ASCC1: variants seen among roughly 807,000 people sequenced by gnomAD.
ASCC1 encodes ASC-1 complex subunit P50.
ASCC1 carries 35 observed loss-of-function variants against 46.6 expected under a neutral mutation model. The observed-to-expected ratio is 0.75, with a 90% CI of 0.57 to 0.99. The LOEUF is 0.99. ASCC1 is among the 50% of genes least tolerant of loss of function. The pLI, the probability that ASCC1 is intolerant of heterozygous loss-of-function variation, is 0.00. For missense variants in ASCC1, 376 were observed against 428.7 expected (o/e 0.88, Z 1.09); for synonymous variants, 143 against 146.6 (o/e 0.98, Z 0.18).
intron 5 of ASCC1, among the ~76,000 whole-genome samples, chr10:72,166,808 A>T (rs1222669207): frequency 6.6e-6 from 1 of 152,220 alleles, no homozygotes; most frequent in African/African-American, 2.4e-5. Context: ...AAGAGGATAT[A>T]CTAATGGCTA....
chr10:72,096,360 T>C lies in ASCC1; in HGVS notation c.*974A>G. ...TGCACAGTCCTGCTGATATCATCAG[T>C]TTCTTTTGCTGCTGCCTTGAAAAGT... On this transcript the variant is annotated 3_prime_UTR_variant, in exon 10 of 10. Coordinates refer to ENST00000672957, the MANE Select transcript of ASCC1 (RefSeq NM_001198800.3). 2.2e-6 allele frequency: 1 copy of C among 454,028 alleles called. No homozygotes were observed. Among genetic ancestry groups the C allele is most frequent in the Non-Finnish European group, 4.4e-6 (1 of 226,786 alleles). The allele number at this position is 454,028 out of a possible 1,614,324, so 28.1% of individuals were successfully genotyped here. A position where few individuals can be genotyped will look rare whatever the true frequency, so the allele number is the denominator to read the frequency against.
chr10:72,136,570 C>T (rs1482977467), intron 7 of ASCC1, among the ~76,000 whole-genome samples: 1 of 152,180 alleles, frequency 6.6e-6, no homozygotes, highest in African/African-American at 2.4e-5. Context: ...GGCCAATCAG[C>T]AGGGGGATGT....
Position 72,203,986 on chromosome 10 carries a change from C to T in ASCC1, c.213-462G>A, listed in dbSNP as rs575683831. Among the ~76,000 whole-genome samples the T allele has an allele frequency of 1.3e-4, 20 of 152,250 alleles. No individual in the cohort carries two copies. The South Asian group carries it at 2.5e-3, about 19-fold the overall frequency. ...ATTTTAGGCTGGCGGCAGTGGCTCA[C>T]GCCTGTAATCCCAGCACTCCAGGAG... is the stretch of plus-strand genomic sequence containing the variant. On this transcript the variant is annotated intron_variant, in intron 3 of 9. Transcript: ENST00000672957.
At chr10:72,178,836 GATCCCAAAAGCACT>G (rs1852194340) in intron 5 of ASCC1, among the ~76,000 whole-genome samples, 1 of 152,098 alleles carries the variant, frequency 6.6e-6, no homozygotes, top group Non-Finnish European at 1.5e-5. Flanking sequence ...TCATATCAGA[GATCCCAAAAGCACT>G]TGACGTATTT....
At chr10:72,149,239 C>T (rs1223256635) in intron 7 of ASCC1, among the ~76,000 whole-genome samples, 1 of 151,690 alleles carries the variant, frequency 6.6e-6, no homozygotes, top group Admixed American at 6.6e-5. Flanking sequence ...GAGATCAAGA[C>T]CATCCTGGCT....
chr10:72,127,268 T>C (rs895135664), intron 9 of ASCC1, among the ~76,000 whole-genome samples: 1 of 152,204 alleles, frequency 6.6e-6, no homozygotes, highest in Non-Finnish European at 1.5e-5. Context: ...ATGTTTCTCT[T>C]TGTCCAGAGG....
intron 5 of ASCC1, among the ~76,000 whole-genome samples, chr10:72,188,535 G>A (rs183359103): frequency 6.6e-6 from 1 of 152,128 alleles, no homozygotes; most frequent in African/African-American, 2.4e-5. Context: ...AAAGGAGAAA[G>A]GGAAAGGGAA....
intron 3 of ASCC1, among the ~76,000 whole-genome samples, chr10:72,209,510 G>A (rs191902783): frequency 6.6e-6 from 1 of 152,256 alleles, no homozygotes; most frequent in East Asian, 1.9e-4. Flanking sequence ...TAGGCTGGGT[G>A]CAGTGGCTCA....
At chr10:72,204,673 T>C (rs1441416445) in intron 3 of ASCC1, among the ~76,000 whole-genome samples, 1 of 152,230 alleles carries the variant, frequency 6.6e-6, no homozygotes, top group African/African-American at 2.4e-5. Context: ...CGTTAGTTTT[T>C]GCGTGGGATA....
chr10:72,202,079 G>A (rs1856575348), intron 4 of ASCC1, among the ~76,000 whole-genome samples: 1 of 152,054 alleles, frequency 6.6e-6, no homozygotes, highest in Non-Finnish European at 1.5e-5. Flanking sequence ...GTGAAATCCT[G>A]TCTGGATAAA....
At chr10:72,184,058 C>T (rs1019366321) in intron 5 of ASCC1, among the ~76,000 whole-genome samples, 11 of 151,776 alleles carry the variant, frequency 7.2e-5, no homozygotes, top group Non-Finnish European at 1.0e-4. Flanking sequence ...ACAGGAGAAT[C>T]GCTTGAACCG....
chr10:72,132,683 G>A (rs1845745269), intron 8 of ASCC1, among the ~76,000 whole-genome samples: 1 of 150,418 alleles, frequency 6.6e-6, no homozygotes, highest in Non-Finnish European at 1.5e-5. Flanking sequence ...GAGAAACACT[G>A]ATTTAACATT....
rs538791044 is a variant in ASCC1 at position 72,156,623 on chromosome 10, C to T, written c.627-3635G>A. Reference sequence around the variant, plus strand: ...CCATCTCTACTAAATATACAAAAAACTAGCCGGGCGTGGTGGCGGGCGCCT... The same window carrying T: ...CCATCTCTACTAAATATACAAAAAATTAGCCGGGCGTGGTGGCGGGCGCCT... On this transcript the variant is annotated intron_variant, in intron 6 of 9. Coordinates refer to ENST00000672957, the MANE Select transcript of ASCC1 (RefSeq NM_001198800.3). Among the ~76,000 whole-genome samples the T allele has an allele frequency of 9.9e-5, 15 of 151,928 alleles. No individual in the cohort carries two copies. The East Asian group carries it at 1.2e-3, about 12-fold the overall frequency.
At chr10:72,141,069 A>G (rs1846922170) in intron 7 of ASCC1, among the ~76,000 whole-genome samples, 2 of 151,234 alleles carry the variant, frequency 1.3e-5, no homozygotes, top group South Asian at 4.2e-4. Flanking sequence ...AGATAGATAG[A>G]TAGATAGATA....
intron 9 of ASCC1, among the ~76,000 whole-genome samples, chr10:72,123,668 GA>G (rs925669594): frequency 1.6e-4 from 24 of 149,224 alleles, no homozygotes; most frequent in Non-Finnish European, 3.3e-4. Context: ...CTGTCCTCTA[GA>G]AAAAAAAAAT....
rs375919965 is a variant in ASCC1 at position 72,160,855 on chromosome 10, G to A, written c.626+683C>T. 2.5e-4 allele frequency among the ~76,000 whole-genome samples: 37 copies of A among 150,586 alleles called. 2 individuals are homozygous for A. The East Asian group carries it at 5.4e-3, about 22-fold the overall frequency. ...TCCCAGCACTTTGGGAGGCCAAGGC[G>A]GGCGGATCACAAGGTCAAGAGATCA... On this transcript the variant is annotated intron_variant, in intron 6 of 9. Coordinates refer to ENST00000672957, the MANE Select transcript of ASCC1 (RefSeq NM_001198800.3).
intron 1 of ASCC1, chr10:72,215,775 A>G: frequency 6.6e-6 from 1 of 152,438 alleles, no homozygotes; most frequent in Non-Finnish European, 1.5e-5. Context: ...GGAATAACCA[A>G]CTTAACCCTG....
At chr10:72,128,929 G>C (rs1004125344) in intron 8 of ASCC1, among the ~76,000 whole-genome samples, 1 of 152,090 alleles carries the variant, frequency 6.6e-6, no homozygotes, top group Non-Finnish European at 1.5e-5. Flanking sequence ...GCATCCTCAA[G>C]AATTAACTCA....
At chr10:72,162,573 G>A (rs12256804) in intron 5 of ASCC1, among the ~76,000 whole-genome samples, 19,987 of 152,026 alleles carry the variant, frequency 0.13, 4,159 homozygotes, top group African/African-American at 0.44. Context: ...GGGCTCAAGC[G>A]ATCCTCCTGC....
Sources: allele counts gnomAD v4.1 joint callset (sites outside exome capture counted in the v4.1 genomes callset), GRCh38; gene constraint gnomAD v4.1.1; transcripts MANE v1.5; gene names NCBI Gene and HGNC (gene_info 2026-07-23, HGNC 2026-07-21).